Variants in ZNF765 observed in about 807,000 individuals in gnomAD.
The protein encoded by ZNF765 is zinc finger protein 765.
Under a neutral mutation model 44.7 loss-of-function variants are expected in ZNF765, and 37 were observed. The ratio of observed to expected loss-of-function variants is 0.83; its 90% CI spans 0.64 to 1.09. The LOEUF (loss-of-function observed/expected upper bound fraction) is 1.09. Among genes scored for constraint, ZNF765 ranks in the 50% least tolerant of loss-of-function variants. ZNF765 has a pLI of 0.00. For synonymous variants in ZNF765, 201 were observed against 213.7 expected, an observed-to-expected ratio of 0.94 and a Z score of 0.52; for missense variants, 594 against 626.1, an observed-to-expected ratio of 0.95 and a Z score of 0.55.
intron 3 of ZNF765, among the ~76,000 whole-genome samples, chr19:53,418,135 G>A (rs2085885877): frequency 6.6e-6 from 1 of 152,182 alleles, no homozygotes; most frequent in African/African-American, 2.4e-5. Context: ...GGGCACGGTG[G>A]CTCACGCCTG....
At chr19:53,399,453 C>T (rs1689869855) in intron 2 of ZNF765, among the ~76,000 whole-genome samples, 2 of 151,728 alleles carry the variant, frequency 1.3e-5, no homozygotes, top group Admixed American at 6.6e-5. Context: ...AAGTCTCATA[C>T]ACATGTATTT....
intron 3 of ZNF765, among the ~76,000 whole-genome samples, chr19:53,403,450 TTTTG>T (rs925575010): frequency 1.3e-5 from 2 of 152,234 alleles, no homozygotes; most frequent in Non-Finnish European, 2.9e-5. Context: ...TCTTATTGAC[TTTTG>T]TTTGTTTGTT....
rs778344535 is a variant in ZNF765, at chr19:53,407,724, G to T, written c.169G>T (p.Glu57Ter). The T allele has an allele frequency of 6.4e-7, 1 of 1,561,882 alleles. No individual in the cohort carries two copies. Among genetic ancestry groups the T allele is most frequent in the Non-Finnish European group, 8.6e-7 (1 of 1,156,712 alleles). Reference sequence around the variant, plus strand: ...TATCTCTTCCAAATGCATGATGAAGGAGTTCTCGTCAACAGCACAAGGCAA... The same window carrying T: ...TATCTCTTCCAAATGCATGATGAAGTAGTTCTCGTCAACAGCACAAGGCAA... The part of the protein sequence containing the change: ...LDISSKCMMK[E>*]FSSTAQGNRE... The change falls in exon 4 of 4, where the codon GAG becomes TAG. Residue 57 changes from glutamate to a stop codon, truncating the protein, a stop_gained. Coordinates refer to ENST00000396408, the MANE Select transcript of ZNF765 (RefSeq NM_001040185.3). LOFTEE classifies it high-confidence loss of function.
chr19:53,401,818 T>C (rs2085728773), intron 2 of ZNF765: 2 of 946,968 alleles, frequency 2.1e-6, no homozygotes, highest in Non-Finnish European at 3.2e-6. Flanking sequence ...GGAGGTTGCA[T>C]TGAGCAGAGA....
downstream of ZNF765, among the ~76,000 whole-genome samples, chr19:53,412,856 G>C (rs912503532): frequency 2.0e-5 from 3 of 152,100 alleles, no homozygotes; most frequent in Admixed American, 2.0e-4. Context: ...CCTTGTTTGT[G>C]CCGCAATGAA....
At chr19:53,415,538 T>G (rs1034130201), downstream of ZNF765, among the ~76,000 whole-genome samples, 7 of 149,278 alleles carry the variant, frequency 4.7e-5, no homozygotes, top group Admixed American at 4.8e-4. Flanking sequence ...TTTTAGTGTT[T>G]AAATATTTTA....
downstream of ZNF765, among the ~76,000 whole-genome samples, chr19:53,414,753 A>G (rs951960305): frequency 2.7e-5 from 4 of 149,014 alleles, no homozygotes; most frequent in Admixed American, 2.7e-4. Flanking sequence ...TGCAGTCGCC[A>G]TGGTCCAATA....
intron 2 of ZNF765, among the ~76,000 whole-genome samples, chr19:53,400,045 C>G (rs1254976705): frequency 6.6e-6 from 1 of 152,116 alleles, no homozygotes; most frequent in Non-Finnish European, 1.5e-5. Context: ...GAACTCCTGA[C>G]ATTTGATCCA....
chr19:53,403,171 GA>G (rs1244929447), intron 3 of ZNF765, among the ~76,000 whole-genome samples: 3 of 146,494 alleles, frequency 2.0e-5, no homozygotes, highest in South Asian at 2.2e-4. Flanking sequence ...AAAAAAAAAA[GA>G]AAAAAAAATT....
At chr19:53,413,150 T>G, downstream of ZNF765, 1 of 529,448 alleles carries the variant, frequency 1.9e-6, no homozygotes, top group Admixed American at 2.3e-5. Flanking sequence ...CTTCTCTTCC[T>G]CTCTCCCCTT....
intron 2 of ZNF765, among the ~76,000 whole-genome samples, chr19:53,401,589 G>T (rs975111549): frequency 1.4e-5 from 2 of 147,094 alleles, no homozygotes; most frequent in African/African-American, 5.0e-5. Context: ...AAAAAAAAAC[G>T]TTTCTGGGCC....
At chr19:53,414,432 C>G, downstream of ZNF765, among the ~76,000 whole-genome samples, 1 of 96,388 alleles carries the variant, frequency 1.0e-5, no homozygotes, top group Admixed American at 1.3e-4. Context: ...CTGACCCTCC[C>G]CACCACACAC....
chr19:53,419,537 T>C (rs1444897452), intron 3 of ZNF765, among the ~76,000 whole-genome samples: 1 of 152,178 alleles, frequency 6.6e-6, no homozygotes, highest in Non-Finnish European at 1.5e-5. Flanking sequence ...CAGTTGTCAG[T>C]CTTGAATTGT....
intron 1 of ZNF765, among the ~76,000 whole-genome samples, chr19:53,396,104 A>G (rs2085666343): frequency 6.6e-6 from 1 of 151,994 alleles, no homozygotes; most frequent in Non-Finnish European, 1.5e-5. Context: ...GACAGCAAAG[A>G]GGGAGGCTCA....
rs2085812184 is a variant in ZNF765, at chr19:53,409,392, T to A, written c.*265T>A. 1 of 840,486 alleles carries A rather than the reference T, an allele frequency of 1.2e-6. No individual in the cohort carries two copies. The allele number at this position is 840,486 out of a possible 1,614,324, so 52.1% of individuals were successfully genotyped here. A position where few individuals can be genotyped will look rare whatever the true frequency, so the allele number is the denominator to read the frequency against. ...ACAAATGTGAAGAATGTGAAGAAGC[T>A]TTCTGTTTCAAATCCAACCTTGAAA... On this transcript the variant is annotated 3_prime_UTR_variant, in exon 4 of 4. Transcript: ENST00000396408.
intron 1 of ZNF765, among the ~76,000 whole-genome samples, chr19:53,397,285 T>C (rs1179807623): frequency 2.0e-5 from 3 of 152,230 alleles, no homozygotes; most frequent in Non-Finnish European, 2.9e-5. Flanking sequence ...CATTTCTCAT[T>C]TTTGTGGCTT....
intron 1 of ZNF765, among the ~76,000 whole-genome samples, chr19:53,395,724 A>AG (rs2085661271): frequency 6.6e-6 from 1 of 152,148 alleles, no homozygotes; most frequent in African/African-American, 2.4e-5. Flanking sequence ...AGCCCGAGTT[A>AG]GGGAGGTGCC....
Position 53,409,668 on chromosome 19 carries a change from C to A in ZNF765, c.*541C>A. The A allele has an allele frequency of 8.5e-7, 1 of 1,177,266 alleles. No homozygotes were observed. Among genetic ancestry groups the A allele is most frequent in the African/African-American group, 1.5e-5 (1 of 65,992 alleles). 72.9% of individuals were successfully genotyped at this position (1,177,266 alleles called of 1,614,324 possible). A position where few individuals can be genotyped will look rare whatever the true frequency, so the allele number is the denominator to read the frequency against. ...TAGTCAGAACTCATACCTTACACGCCATCGTAGACTTCATACTGGAGGATA... is the reference window on the plus strand; with the variant it reads ...TAGTCAGAACTCATACCTTACACGCAATCGTAGACTTCATACTGGAGGATA... On this transcript the variant is annotated 3_prime_UTR_variant, in exon 4 of 4. Transcript: ENST00000396408.
downstream of ZNF765, among the ~76,000 whole-genome samples, chr19:53,415,953 G>GT (rs2085872389): frequency 1.1e-5 from 1 of 93,724 alleles, no homozygotes; most frequent in African/African-American, 3.2e-5. Flanking sequence ...GTTTTGTTTT[G>GT]TTTTTTGTTT....
Sources: gnomAD v4.1 joint callset for allele counts (sites outside exome capture counted in the v4.1 genomes callset) on GRCh38, gnomAD v4.1.1 for gene constraint, MANE v1.5 for transcripts, NCBI Gene and HGNC (gene_info 2026-07-23, HGNC 2026-07-21) for gene names.